TMEM59: variants seen among roughly 807,000 people sequenced by gnomAD.
TMEM59 encodes the protein dendritic cell factor 1.
Under a neutral mutation model 42.2 loss-of-function variants are expected in TMEM59, and 44 were observed. The ratio of observed to expected loss-of-function variants is 1.04; its 90% CI spans 0.82 to 1.34. The LOEUF is 1.34. TMEM59 is among the 40% of genes most tolerant of loss of function. The probability of loss-of-function intolerance (pLI) is 0.00; values close to 1 mark genes in which losing one functional copy is unlikely to be tolerated. For missense variants in TMEM59, 359 were observed against 382.8 expected, an observed-to-expected ratio of 0.94 and a Z score of 0.52; for synonymous variants, 148 against 145.8, an observed-to-expected ratio of 1.02 and a Z score of -0.11.
At chr1:54,050,651 C>T (rs967977224) in intron 1 of TMEM59, among the ~76,000 whole-genome samples, 2 of 151,632 alleles carry the variant, frequency 1.3e-5, no homozygotes, top group Non-Finnish European at 2.9e-5. Context: ...CTCTGTCTCC[C>T]GGGTTCAGGC....
intron 1 of TMEM59, among the ~76,000 whole-genome samples, chr1:54,050,295 G>C (rs1003738066): frequency 6.6e-6 from 1 of 151,366 alleles, no homozygotes; most frequent in South Asian, 2.1e-4. Flanking sequence ...GCTAATTTTT[G>C]TATTTTTAGT....
At chr1:54,049,012 T>C (rs1250809715) in intron 1 of TMEM59, among the ~76,000 whole-genome samples, 1 of 152,234 alleles carries the variant, frequency 6.6e-6, no homozygotes, top group Non-Finnish European at 1.5e-5. Context: ...TATTTCCTTA[T>C]ATTGCACAAA....
rs1300989897 is a variant in TMEM59, at chr1:54,027,471, A to G, written c.*4679T>C. ...GTCATTAATATCACAGGAAGAGAGT[A>G]CTTAATAGTGAAATAGGGTGGGTGC... On this transcript the variant is annotated 3_prime_UTR_variant, in exon 8 of 8. Transcript: ENST00000234831. The G allele has an allele frequency of 6.6e-6, 1 of 152,200 alleles. No homozygotes were observed. The highest frequency in any genetic ancestry group is 6.5e-5 in the Admixed American group (1 of 15,284). 9.4% of individuals were successfully genotyped at this position (152,200 alleles called of 1,614,324 possible).
intron 6 of TMEM59, among the ~76,000 whole-genome samples, chr1:54,040,113 A>G (rs1657087327): frequency 6.6e-6 from 1 of 152,260 alleles, no homozygotes; most frequent in African/African-American, 2.4e-5. Context: ...TAAAAACAAA[A>G]ACAAAAATCT....
At chr1:54,051,765 T>C (rs1569975201) in intron 1 of TMEM59, among the ~76,000 whole-genome samples, 1 of 152,356 alleles carries the variant, frequency 6.6e-6, no homozygotes, top group East Asian at 1.9e-4. Flanking sequence ...TTGATTTAAG[T>C]CTGAAGTTAA....
At chr1:54,046,696 G>A (rs1038610644) in intron 2 of TMEM59, among the ~76,000 whole-genome samples, 2 of 152,212 alleles carry the variant, frequency 1.3e-5, no homozygotes, top group Non-Finnish European at 2.9e-5. Flanking sequence ...ACAGTGTAAC[G>A]AGTGGAGAAT....
At chr1:54,035,066 T>C (rs1352390464) in intron 7 of TMEM59, among the ~76,000 whole-genome samples, 1 of 152,222 alleles carries the variant, frequency 6.6e-6, no homozygotes, top group African/African-American at 2.4e-5. Flanking sequence ...AATATGAAGA[T>C]ACATGAAAAT....
rs1656720305 is a variant in TMEM59 at position 54,030,156 on chromosome 1, AAG to A, written c.*1992_*1993del. ...TACAGTTGCTTTAAAAAAAAAAAAAAAGATGGGATTCTCATTATATTGCCCAG... is the reference window on the plus strand; with the variant it reads ...TACAGTTGCTTTAAAAAAAAAAAAAAATGGGATTCTCATTATATTGCCCAG... On this transcript the variant is annotated 3_prime_UTR_variant, in exon 8 of 8. Transcript: ENST00000234831. The A allele has an allele frequency of 1.3e-5, 2 of 152,012 alleles. No individual in the cohort carries two copies. The highest frequency in any genetic ancestry group is 2.1e-4 in the South Asian group (1 of 4,826). The allele number at this position is 152,012 out of a possible 1,614,324, so 9.4% of individuals were successfully genotyped here.
intron 3 of TMEM59, chr1:54,044,157 A>T (rs953307755): frequency 1.3e-5 from 2 of 151,938 alleles, no homozygotes; most frequent in African/African-American, 4.8e-5. Context: ...CCTGGGCAAC[A>T]TGGTGAAACC....
At position 54,047,512 on chromosome 1, in the gene TMEM59, T is replaced by C. The variant is rs528380243; in HGVS notation, c.190-140A>G. 25 of 667,802 alleles carry C rather than the reference T, an allele frequency of 3.7e-5. No homozygotes were observed. In the South Asian group the frequency reaches 4.5e-4, roughly 12 times the overall value. 41.4% of individuals were successfully genotyped at this position (667,802 alleles called of 1,614,324 possible). ...TTTCATAACTGAAAGAAAAAAATGA[T>C]AGGAGCCAGTTGATACTCAAGACCT... On this transcript the variant is annotated intron_variant, in intron 1 of 7. Transcript: ENST00000234831.
At chr1:54,050,796 A>T (rs1657508741) in intron 1 of TMEM59, among the ~76,000 whole-genome samples, 1 of 151,366 alleles carries the variant, frequency 6.6e-6, no homozygotes, top group South Asian at 2.1e-4. Context: ...TCCTGACCTG[A>T]GGTGATCCAC....
Position 54,032,068 on chromosome 1 carries a change from T to C in TMEM59, c.*82A>G. The C allele has an allele frequency of 1.5e-6, 2 of 1,316,370 alleles. No individual in the cohort carries two copies. The allele number at this position is 1,316,370 out of a possible 1,614,324, so 81.5% of individuals were successfully genotyped here. A position where few individuals can be genotyped will look rare whatever the true frequency, so the allele number is the denominator to read the frequency against. ...TTTTATAGTGATTTCTTAAGGCCTATATCCAATGAAACCATTTTAAAAGCT... is the reference window on the plus strand; with the variant it reads ...TTTTATAGTGATTTCTTAAGGCCTACATCCAATGAAACCATTTTAAAAGCT... On this transcript the variant is annotated 3_prime_UTR_variant, in exon 8 of 8. Coordinates refer to ENST00000234831, the MANE Select transcript of TMEM59 (RefSeq NM_004872.5).
At chr1:54,038,486 C>T (rs1255459264) in intron 6 of TMEM59, among the ~76,000 whole-genome samples, 1 of 152,130 alleles carries the variant, frequency 6.6e-6, no homozygotes, top group African/African-American at 2.4e-5. Flanking sequence ...GGTCTCAACT[C>T]CCTAGCACAG....
intron 7 of TMEM59, chr1:54,034,875 T>C (rs974687220): frequency 6.6e-6 from 1 of 152,210 alleles, no homozygotes; most frequent in African/African-American, 2.4e-5. Context: ...ATGTGACCGT[T>C]GGCTCTGGGG....
chr1:54,045,390 A>C (rs1657295092), intron 3 of TMEM59: 1 of 317,050 alleles, frequency 3.2e-6, no homozygotes, highest in Admixed American at 4.7e-5. Flanking sequence ...ATGGAGAAAA[A>C]GAACTCTGAA....
intron 1 of TMEM59, among the ~76,000 whole-genome samples, chr1:54,052,047 T>G (rs1215025662): frequency 6.6e-6 from 1 of 151,882 alleles, no homozygotes; most frequent in African/African-American, 2.4e-5. Flanking sequence ...GTTAAGCAAA[T>G]AGCATAGAGG....
chr1:54,036,760 T>C (rs751595278), intron 6 of TMEM59, 42 bp from the exon 7 acceptor site: 9 of 1,397,242 alleles, frequency 6.4e-6, no homozygotes, highest in Non-Finnish European at 8.8e-6. Flanking sequence ...TAAAATTTTA[T>C]AAGAAACAGG....
Position 54,028,833 on chromosome 1 carries a change from G to C in TMEM59, c.*3317C>G, listed in dbSNP as rs1342466252. 6.6e-6 allele frequency: 1 copy of C among 152,146 alleles called. No individual in the cohort carries two copies. The highest frequency in any genetic ancestry group is 2.4e-5 in the African/African-American group (1 of 41,410). 9.4% of individuals were successfully genotyped at this position (152,146 alleles called of 1,614,324 possible). On this transcript the variant is annotated 3_prime_UTR_variant, in exon 8 of 8. Transcript: ENST00000234831. The stretch of plus-strand genomic sequence containing the variant: ...GGGTCAGGCACTGGGTCTTACTGTG[G>C]TCCTAGCATTTAGCATAGGGCCTGC...
Position 54,045,717 on chromosome 1 carries a change from G to A in TMEM59, c.365C>T (p.Pro122Leu), listed in dbSNP as rs765103898. Residue 122 changes from proline (P) to leucine (L), a missense_variant, in exon 3 of 8, where the codon CCA (proline) becomes CTA (leucine). By Grantham distance (98) the Pro-to-Leu change is moderately conservative. Coordinates refer to ENST00000234831, the MANE Select transcript of TMEM59 (RefSeq NM_004872.5). ...TTGTTCTTGTCTCAGTTCAGCGAAT[G>A]GCAGCTGATTCTGGCAACCAAGATG... ...ACHLGCQNQLPFAELRQEQLM... is the reference protein window; with the variant it reads ...ACHLGCQNQLLFAELRQEQLM... The A allele has an allele frequency of 1.2e-6, 2 of 1,614,106 alleles. No individual in the cohort carries two copies. Among genetic ancestry groups the A allele is most frequent in the Non-Finnish European group, 1.7e-6 (2 of 1,180,000 alleles).
Sources: gnomAD v4.1 joint callset for allele counts (sites outside exome capture counted in the v4.1 genomes callset) on GRCh38, gnomAD v4.1.1 for gene constraint, MANE v1.5 for transcripts, NCBI Gene and HGNC (gene_info 2026-07-23, HGNC 2026-07-21) for gene names.